The following DNAAF4 variants were observed in gnomAD, a reference collection of about 807,000 sequenced individuals.
DNAAF4 encodes dynein assembly factor 4, axonemal.
In DNAAF4, 43 loss-of-function variants were observed where a neutral mutation model predicts 51.8. The ratio of observed to expected loss-of-function variants is 0.83; its 90% confidence interval spans 0.65 to 1.07. The LOEUF (loss-of-function observed/expected upper bound fraction) is 1.07. DNAAF4 is among the 50% of genes least tolerant of loss of function. DNAAF4 has a pLI of 0.00. For synonymous variants in DNAAF4, 194 were observed against 165.6 expected (o/e 1.17, Z -1.32); for missense variants, 581 against 493.0 (o/e 1.18, Z -1.69).
chr15:55,437,811 A>C, intron 7 of DNAAF4, among the ~76,000 whole-genome samples: 1 of 152,178 alleles, frequency 6.6e-6, no homozygotes, highest in East Asian at 1.9e-4. Flanking sequence ...TTTCTCCTAG[A>C]GCCTTCAAAA....
chr15:55,475,184 G>T (rs1356681361), intron 4 of DNAAF4, among the ~76,000 whole-genome samples: 2 of 152,244 alleles, frequency 1.3e-5, no homozygotes, highest in Non-Finnish European at 2.9e-5. Flanking sequence ...GGACTTCTTA[G>T]GAAACTTGAT....
chr15:55,485,828 A>G (rs2058479609), intron 4 of DNAAF4, among the ~76,000 whole-genome samples: 1 of 151,786 alleles, frequency 6.6e-6, no homozygotes, highest in African/African-American at 2.4e-5. Flanking sequence ...CCCCATCTCT[A>G]CCAAAAAATA....
rs627597 is a variant in DNAAF4 at position 55,474,851 on chromosome 15, A to T, written c.406-7690T>A. On this transcript the variant is annotated intron_variant, in intron 4 of 9. Coordinates refer to ENST00000321149, the MANE Select transcript of DNAAF4 (RefSeq NM_130810.4). ...AAAAGTTAGCCAGGTGCAGTGGCGC[A>T]CGCCGTAATCCCAGCTACTCTGGAG... is the stretch of plus-strand genomic sequence containing the variant. Among the ~76,000 whole-genome samples, 1,273 of 151,972 alleles carry T rather than the reference A, an allele frequency of 8.4e-3. 18 individuals carry two copies. Among genetic ancestry groups the T allele is most frequent in the African/African-American group, 0.029 (1,219 of 41,492 alleles).
rs567118093 is a variant in DNAAF4 at position 55,483,671 on chromosome 15, G to A, written c.405+7452C>T. ...TTCTCCTGCCTCAGCCTCCGGAGTAGCTGGGATTACAAGTGCACACCACCA... is the reference window on the plus strand; with the variant it reads ...TTCTCCTGCCTCAGCCTCCGGAGTAACTGGGATTACAAGTGCACACCACCA... On this transcript the variant is annotated intron_variant, in intron 4 of 9. Coordinates refer to ENST00000321149, the MANE Select transcript of DNAAF4 (RefSeq NM_130810.4). Among the ~76,000 whole-genome samples, 24 of 151,728 alleles carry A rather than the reference G, an allele frequency of 1.6e-4. No homozygotes were observed. The South Asian group carries it at 5.0e-3, about 32-fold the overall frequency.
chr15:55,433,866 T>A (rs1427690671), intron 8 of DNAAF4, among the ~76,000 whole-genome samples: 1,957 of 60,864 alleles, frequency 0.032, 515 homozygotes, highest in Non-Finnish European at 0.047. Context: ...ATAATATATA[T>A]TATATATATT....
intron 9 of DNAAF4, among the ~76,000 whole-genome samples, chr15:55,431,039 G>A (rs1479594375): frequency 6.6e-6 from 1 of 151,688 alleles, no homozygotes; most frequent in East Asian, 1.9e-4. Context: ...TCAGCCTCCT[G>A]AGTAGCTGGG....
chr15:55,485,988 C>T, intron 4 of DNAAF4, among the ~76,000 whole-genome samples: 1 of 114,156 alleles, frequency 8.8e-6, no homozygotes, highest in African/African-American at 3.8e-5. Context: ...GAGCGAGACT[C>T]CATCTCAAAA....
At chr15:55,435,811 A>G (rs2057598970) in intron 7 of DNAAF4, among the ~76,000 whole-genome samples, 1 of 152,170 alleles carries the variant, frequency 6.6e-6, no homozygotes, top group Non-Finnish European at 1.5e-5. Context: ...TTTTTGAGAC[A>G]GAGTTTCACT....
intron 4 of DNAAF4, among the ~76,000 whole-genome samples, chr15:55,477,027 C>T (rs1056026340): frequency 8.5e-5 from 13 of 152,068 alleles, no homozygotes; most frequent in African/African-American, 3.1e-4. Flanking sequence ...AAAAAATTAG[C>T]CGGGCGTGGT....
intron 4 of DNAAF4, among the ~76,000 whole-genome samples, chr15:55,474,499 A>T (rs762679875): frequency 2.0e-5 from 3 of 152,098 alleles, no homozygotes; most frequent in Non-Finnish European, 4.4e-5. Flanking sequence ...ATGCCACTGC[A>T]CTCCAGCCTG....
chr15:55,455,621 A>G (rs1158107465), intron 5 of DNAAF4, among the ~76,000 whole-genome samples: 18 of 151,948 alleles, frequency 1.2e-4, no homozygotes, highest in Admixed American at 1.2e-3. Flanking sequence ...TAGTAGAGAC[A>G]GGGTTTCGCC....
At chr15:55,500,240 G>C (rs2058688677) in intron 1 of DNAAF4, among the ~76,000 whole-genome samples, 1 of 152,068 alleles carries the variant, frequency 6.6e-6, no homozygotes, top group Non-Finnish European at 1.5e-5. Flanking sequence ...CCAAAATAGG[G>C]CACACTCACT....
intron 7 of DNAAF4, among the ~76,000 whole-genome samples, chr15:55,420,788 A>T (rs1255599260): frequency 6.6e-6 from 1 of 152,196 alleles, no homozygotes; most frequent in Non-Finnish European, 1.5e-5. Context: ...GCAGGTGCCC[A>T]ATTCATGGCA....
intron 5 of DNAAF4, among the ~76,000 whole-genome samples, chr15:55,454,687 GAAGGTAATATT>G (rs2057990729): frequency 6.6e-6 from 1 of 152,146 alleles, no homozygotes; most frequent in Non-Finnish European, 1.5e-5. Flanking sequence ...TACCAGCCAA[GAAGGTAATATT>G]TGAAGACAAT....
At chr15:55,439,711 C>T in intron 6 of DNAAF4, 130 bp from the exon 7 acceptor site, 1 of 731,752 alleles carries the variant, frequency 1.4e-6, no homozygotes, top group Non-Finnish European at 2.2e-6. Flanking sequence ...TGTGTCTTCT[C>T]CACCTCTCCT....
intron 7 of DNAAF4, among the ~76,000 whole-genome samples, chr15:55,423,735 TTAAGA>T (rs1350010363): frequency 1.3e-5 from 2 of 152,120 alleles, no homozygotes; most frequent in Admixed American, 6.6e-5. Context: ...GGTGGATCAC[TTAAGA>T]TAAGGAGTGC....
At chr15:55,504,868 C>T (rs1358559376) in intron 1 of DNAAF4, among the ~76,000 whole-genome samples, 1 of 152,090 alleles carries the variant, frequency 6.6e-6, no homozygotes, top group African/African-American at 2.4e-5. Flanking sequence ...TGGGCAAAAA[C>T]TTCATGACTA....
At position 55,450,367 on chromosome 15, in the gene DNAAF4, C is replaced by T; in HGVS notation, c.638G>A (p.Gly213Glu). 1 of 1,607,144 alleles carries T rather than the reference C, an allele frequency of 6.2e-7. No individual in the cohort carries two copies. Among genetic ancestry groups the T allele is most frequent in the Non-Finnish European group, 8.5e-7 (1 of 1,177,924 alleles). Residue 213 changes from glycine (G) to glutamate (E), a missense_variant and splice_region_variant, in exon 6 of 10, where the codon GGG becomes GAG. By Grantham distance (98) the Gly-to-Glu change is moderately conservative. Coordinates refer to ENST00000321149, the MANE Select transcript of DNAAF4 (RefSeq NM_130810.4). ...NLASRNLAPK[G>E]RNSENIFTEK... Reference sequence around the variant, plus strand: ...AGTAAATATATTTTCTGAATTTCTCCCTTCAAAAACAATGGTAGCAAACAA... The same window carrying T: ...AGTAAATATATTTTCTGAATTTCTCTCTTCAAAAACAATGGTAGCAAACAA...
intron 6 of DNAAF4, among the ~76,000 whole-genome samples, chr15:55,449,285 C>T (rs1035814141): frequency 3.3e-5 from 5 of 151,530 alleles, no homozygotes; most frequent in Non-Finnish European, 7.4e-5. Context: ...CCACCACGCC[C>T]GGCTTGTCAT....
Sources: gnomAD v4.1 joint callset for allele counts (sites outside exome capture counted in the v4.1 genomes callset) on GRCh38, gnomAD v4.1.1 for gene constraint, MANE v1.5 for transcripts, NCBI Gene and HGNC (gene_info 2026-07-23, HGNC 2026-07-21) for gene names.